Variants in ZC3H12B observed in about 807,000 individuals in gnomAD.
The protein encoded by ZC3H12B is zinc finger CCCH-type containing 12B.
Under a neutral mutation model 43.9 loss-of-function variants are expected in ZC3H12B, and 7 were observed. The observed-to-expected ratio is 0.16, with a 90% CI of 0.09 to 0.30. The LOEUF is 0.30. ZC3H12B is among the 10% of genes least tolerant of loss of function. The pLI is 1.00. For missense variants in ZC3H12B, 475 were observed against 670.2 expected (o/e 0.71, Z 3.22); for synonymous variants, 222 against 241.7 (o/e 0.92, Z 0.76).
the ZC3H12B span, among the ~76,000 whole-genome samples, chrX:65,262,552 C>G: frequency 9.0e-6 from 1 of 111,036 alleles, no homozygotes; most frequent in African/African-American, 3.3e-5. Flanking sequence ...TAAGTTCCAT[C>G]TCCCTACTAT....
the ZC3H12B span, among the ~76,000 whole-genome samples, chrX:65,140,244 G>T: frequency 1.8e-5 from 2 of 110,938 alleles, no homozygotes; most frequent in Non-Finnish European, 3.8e-5. Context: ...TTCATATATG[G>T]CCTTTATTGT....
At chrX:65,410,328 G>T (rs1194436854) in intron 3 of ZC3H12B, among the ~76,000 whole-genome samples, 5 of 111,768 alleles carry the variant, frequency 4.5e-5, no homozygotes, top group Non-Finnish European at 9.4e-5. Context: ...ATTGATTAAA[G>T]ACTTAAATAT....
At chrX:65,110,089 C>T in the ZC3H12B span, among the ~76,000 whole-genome samples, 1 of 110,842 alleles carries the variant, frequency 9.0e-6, no homozygotes, top group Non-Finnish European at 1.9e-5. Context: ...TGCGTGTTTG[C>T]CATCTGTATA....
At chrX:65,211,731 A>G in the ZC3H12B span, among the ~76,000 whole-genome samples, 1 of 84,917 alleles carries the variant, frequency 1.2e-5, no homozygotes, top group South Asian at 5.2e-4. Context: ...TTTTTATGTA[A>G]TAATATATAT....
the ZC3H12B span, chrX:65,328,208 T>A: frequency 4.2e-6 from 1 of 236,212 alleles, no homozygotes; most frequent in African/African-American, 2.9e-5. Flanking sequence ...CATGGCTGCA[T>A]CAGGGTGATC....
At chrX:65,262,922 T>C in the ZC3H12B span, among the ~76,000 whole-genome samples, 1 of 110,794 alleles carries the variant, frequency 9.0e-6, no homozygotes, top group Admixed American at 9.6e-5. Flanking sequence ...ATATATGTTA[T>C]AGGGATACAA....
chrX:65,471,222 T>C (rs2067907839), intron 3 of ZC3H12B, among the ~76,000 whole-genome samples: 1 of 111,343 alleles, frequency 9.0e-6, no homozygotes, highest in Non-Finnish European at 1.9e-5. Flanking sequence ...AGTACATATA[T>C]CTTCTTGTTG....
chrX:65,393,437 T>C (rs986237430), intron 2 of ZC3H12B, among the ~76,000 whole-genome samples: 6 of 110,543 alleles, frequency 5.4e-5, no homozygotes, highest in Non-Finnish European at 1.9e-5. Flanking sequence ...GTCCTAATGC[T>C]CTCCATCCCC....
At chrX:65,328,602 T>C in the ZC3H12B span, 26,280 of 161,303 alleles carry the variant, frequency 0.16, 7,865 homozygotes, top group African/African-American at 0.82. Context: ...ATGTGCACCA[T>C]GTGCAGGTTT....
chrX:65,315,364 A>T, the ZC3H12B span, among the ~76,000 whole-genome samples: 1 of 112,105 alleles, frequency 8.9e-6, no homozygotes, highest in Non-Finnish European at 1.9e-5. Context: ...GGAAGTATAC[A>T]GTTTTAGGTT....
chrX:65,493,749 A>G (rs2068238623), intron 1 of ZC3H12B, among the ~76,000 whole-genome samples: 1 of 111,911 alleles, frequency 8.9e-6, no homozygotes, highest in South Asian at 3.8e-4. Flanking sequence ...CTGTAGTGTC[A>G]CCAAGATACT....
the ZC3H12B span, among the ~76,000 whole-genome samples, chrX:65,233,688 C>A: frequency 9.1e-6 from 1 of 109,883 alleles, no homozygotes; most frequent in Admixed American, 9.8e-5. Context: ...TTTTAAAGAA[C>A]TAGAAAAAGG....
the ZC3H12B span, among the ~76,000 whole-genome samples, chrX:65,309,722 A>T: frequency 8.9e-6 from 1 of 112,200 alleles, no homozygotes; most frequent in African/African-American, 3.2e-5. Context: ...ATCCCTGATG[A>T]ATATTGATGT....
At chrX:65,251,449 T>A in the ZC3H12B span, among the ~76,000 whole-genome samples, 1 of 111,558 alleles carries the variant, frequency 9.0e-6, no homozygotes, top group African/African-American at 3.3e-5. Context: ...ATGAACTTTA[T>A]AGTAGTTTTT....
the ZC3H12B span, among the ~76,000 whole-genome samples, chrX:65,268,334 G>C: frequency 1.8e-5 from 2 of 111,713 alleles, no homozygotes; most frequent in Non-Finnish European, 3.8e-5. Context: ...AATGTTCAAA[G>C]AAGAATTGTT....
chrX:65,489,369 T>C (rs1236133222), exon 1 of ZC3H12B: 1 of 1,204,569 alleles, frequency 8.3e-7, no homozygotes, highest in Admixed American at 2.2e-5. Flanking sequence ...CAGTGACAAT[T>C]TGAGGCCAGT....
the ZC3H12B span, among the ~76,000 whole-genome samples, chrX:65,170,653 T>A: frequency 8.9e-6 from 1 of 112,095 alleles, no homozygotes; most frequent in African/African-American, 3.2e-5. Flanking sequence ...CCATTCTCCC[T>A]GTCACTTTCA....
intron 3 of ZC3H12B, among the ~76,000 whole-genome samples, chrX:65,470,654 AGT>A (rs1167080989): frequency 9.0e-6 from 1 of 111,127 alleles, no homozygotes; most frequent in Non-Finnish European, 1.9e-5. Flanking sequence ...CCCACTCATG[AGT>A]GCCTTCTAGC....
the ZC3H12B span, among the ~76,000 whole-genome samples, chrX:65,125,802 G>C: frequency 9.1e-6 from 1 of 110,489 alleles, no homozygotes; most frequent in Non-Finnish European, 1.9e-5. Flanking sequence ...GCTCATTTTT[G>C]GTGTCCATTT....
Sources: allele counts gnomAD v4.1 joint callset (sites outside exome capture counted in the v4.1 genomes callset), GRCh38; gene constraint gnomAD v4.1.1; transcripts MANE v1.5; gene names NCBI Gene and HGNC (gene_info 2026-07-23, HGNC 2026-07-21).